SEM1: variants seen among roughly 807,000 people sequenced by gnomAD.
SEM1 encodes the protein SEM1 26S proteasome subunit, also known as 26S proteasome complex subunit SEM1.
In SEM1, 3 loss-of-function variants were observed where a neutral mutation model predicts 12.7. That is an observed-to-expected ratio of 0.24 (90% CI 0.11 to 0.61). The LOEUF (loss-of-function observed/expected upper bound fraction) is 0.61. Ranked by LOEUF, SEM1 falls within the 20% of genes least tolerant of loss-of-function variation. The pLI, the probability that SEM1 is intolerant of heterozygous loss-of-function variation, is 0.88. For missense variants in SEM1, 59 were observed against 81.3 expected, an observed-to-expected ratio of 0.73 and a Z score of 1.06; for synonymous variants, 30 against 27.8, an observed-to-expected ratio of 1.08 and a Z score of -0.25.
intron 2 of SEM1, among the ~76,000 whole-genome samples, chr7:96,538,397 G>T (rs1804853931): frequency 6.6e-6 from 1 of 151,770 alleles, no homozygotes; most frequent in African/African-American, 2.4e-5. Context: ...ATATTGTGTT[G>T]GGTAATAGGA....
intron 3 of SEM1, among the ~76,000 whole-genome samples, chr7:96,505,917 T>C (rs978708871): frequency 3.9e-5 from 6 of 152,156 alleles, no homozygotes; most frequent in Non-Finnish European, 5.9e-5. Context: ...ATATAATATA[T>C]AGGGAACCTG....
intron 2 of SEM1, among the ~76,000 whole-genome samples, chr7:96,596,984 G>A (rs185896551): frequency 6.6e-6 from 1 of 152,290 alleles, no homozygotes; most frequent in East Asian, 1.9e-4. Context: ...TAAGAAATGA[G>A]CTATAAAATT....
intron 2 of SEM1, among the ~76,000 whole-genome samples, chr7:96,525,834 G>A (rs967110627): frequency 4.6e-5 from 7 of 152,070 alleles, no homozygotes; most frequent in African/African-American, 7.2e-5. Context: ...TAGGTTGTGC[G>A]CTTCTTATGA....
At chr7:96,631,562 A>G (rs1808262957) in intron 2 of SEM1, among the ~76,000 whole-genome samples, 1 of 152,170 alleles carries the variant, frequency 6.6e-6, no homozygotes, top group Non-Finnish European at 1.5e-5. Context: ...AGTGATATAA[A>G]GTTAAAACCG....
intron 2 of SEM1, among the ~76,000 whole-genome samples, chr7:96,612,198 A>G (rs1807560890): frequency 6.6e-6 from 1 of 152,234 alleles, no homozygotes. Context: ...AATGAGGCTC[A>G]GAGCAATTAA....
chr7:96,512,473 C>A (rs1716874873), intron 2 of SEM1, among the ~76,000 whole-genome samples: 1 of 152,054 alleles, frequency 6.6e-6, no homozygotes, highest in Non-Finnish European at 1.5e-5. Flanking sequence ...AGGCTTGGAT[C>A]AATTAGTCAA....
chr7:96,685,451 A>G (rs1392873326), downstream of SEM1, among the ~76,000 whole-genome samples: 2 of 123,428 alleles, frequency 1.6e-5, no homozygotes, highest in African/African-American at 2.7e-5. Context: ...TTTTCTGTGT[A>G]GCTACTCAAC....
At chr7:96,635,491 G>A (rs1156336939) in intron 2 of SEM1, among the ~76,000 whole-genome samples, 1 of 152,136 alleles carries the variant, frequency 6.6e-6, no homozygotes, top group East Asian at 1.9e-4. Context: ...CACAGAAAAG[G>A]AGCAAGGCAG....
chr7:96,536,512 T>C (rs1404790273), intron 2 of SEM1, among the ~76,000 whole-genome samples: 2 of 151,732 alleles, frequency 1.3e-5, no homozygotes, highest in African/African-American at 2.4e-5. Flanking sequence ...AACAGAGGAG[T>C]AGTGAGGTCT....
upstream of SEM1, among the ~76,000 whole-genome samples, chr7:96,500,139 T>C (rs1463082335): frequency 2.6e-5 from 4 of 152,112 alleles, no homozygotes; most frequent in Non-Finnish European, 5.9e-5. Flanking sequence ...ACCCTTTCCA[T>C]AGATACATTT....
intron 2 of SEM1, among the ~76,000 whole-genome samples, chr7:96,637,736 T>G (rs1318043962): frequency 6.6e-6 from 1 of 151,990 alleles, no homozygotes; most frequent in African/African-American, 2.4e-5. Flanking sequence ...CTGTAAATCA[T>G]TTGGGTATGG....
chr7:96,622,300 T>G, downstream of SEM1: 1 of 366,572 alleles, frequency 2.7e-6, no homozygotes, highest in Non-Finnish European at 4.9e-6. Flanking sequence ...TGCTAATCAG[T>G]TCAATAAATG....
At chr7:96,562,748 T>C (rs117098937) in intron 2 of SEM1, among the ~76,000 whole-genome samples, 286 of 152,202 alleles carry the variant, frequency 1.9e-3, no homozygotes, top group Non-Finnish European at 3.2e-3. Flanking sequence ...CAGAATATAG[T>C]GAACAGAGGG....
chr7:96,624,729 A>C (rs1402087145), intron 2 of SEM1, among the ~76,000 whole-genome samples: 1 of 152,076 alleles, frequency 6.6e-6, no homozygotes, highest in East Asian at 1.9e-4. Context: ...GGCACAGGGG[A>C]TTCCCAGTTT....
intron 2 of SEM1, among the ~76,000 whole-genome samples, chr7:96,551,163 A>T (rs1348261552): frequency 6.6e-6 from 1 of 152,166 alleles, no homozygotes; most frequent in Non-Finnish European, 1.5e-5. Flanking sequence ...AGAGGGTTAG[A>T]TAGGAAAGAC....
intron 2 of SEM1, chr7:96,650,528 T>C: frequency 1.3e-6 from 1 of 751,562 alleles, no homozygotes; most frequent in Non-Finnish European, 2.4e-6. Context: ...AGCTTTAGCA[T>C]GAAAGGAGAG....
chr7:96,622,268 GAA>G (rs57392963), downstream of SEM1: 616 of 197,428 alleles, frequency 3.1e-3, 7 homozygotes, highest in African/African-American at 0.012. Flanking sequence ...AAAGGACATG[GAA>G]AAAAAAAATA....
exon 3 of SEM1, chr7:96,506,664 C>T (rs941144058): frequency 2.0e-5 from 3 of 151,930 alleles, no homozygotes; most frequent in Non-Finnish European, 4.4e-5. Context: ...TTCAACAATT[C>T]CACAAGGTCA....
At chr7:96,706,089 A>G (rs1201794358) in intron 1 of SEM1, 1 of 152,204 alleles carries the variant, frequency 6.6e-6, no homozygotes, top group Non-Finnish European at 1.5e-5. Flanking sequence ...GATCCTAAAT[A>G]TGATTTTTTA....
Sources: allele counts gnomAD v4.1 joint callset (sites outside exome capture counted in the v4.1 genomes callset), GRCh38; gene constraint gnomAD v4.1.1; transcripts MANE v1.5; gene names NCBI Gene and HGNC (gene_info 2026-07-23, HGNC 2026-07-21).